The following TGFBR3 variants were observed in gnomAD, a reference collection of about 807,000 sequenced individuals.
TGFBR3 encodes the protein transforming growth factor beta receptor 3, also known as transforming growth factor beta receptor type 3.
Under a neutral mutation model 87.9 loss-of-function variants are expected in TGFBR3, and 46 were observed. That is an observed-to-expected ratio of 0.52 (90% CI 0.41 to 0.67). The LOEUF (loss-of-function observed/expected upper bound fraction) is 0.67. Ranked by LOEUF, TGFBR3 falls within the 30% of genes least tolerant of loss-of-function variation. The pLI is 0.00. For missense variants in TGFBR3, 866 were observed against 1,041.9 expected (o/e 0.83, Z 2.32); for synonymous variants, 381 against 391.6 (o/e 0.97, Z 0.32).
At chr1:91,834,316 A>G (rs909514292) in intron 2 of TGFBR3, among the ~76,000 whole-genome samples, 1 of 152,252 alleles carries the variant, frequency 6.6e-6, no homozygotes, top group African/African-American at 2.4e-5. Context: ...TATCAAAAAG[A>G]CAAAAGATAC....
intron 2 of TGFBR3, among the ~76,000 whole-genome samples, chr1:91,846,711 GGTTT>G (rs1223094332): frequency 6.6e-6 from 1 of 151,946 alleles, no homozygotes; most frequent in Non-Finnish European, 1.5e-5. Flanking sequence ...TTGTATACTA[GGTTT>G]TTTTTTACTA....
intron 3 of TGFBR3, among the ~76,000 whole-genome samples, chr1:91,775,147 C>A (rs1426804402): frequency 6.6e-6 from 1 of 152,194 alleles, no homozygotes; most frequent in Non-Finnish European, 1.5e-5. Flanking sequence ...TGGAACTATT[C>A]GCATTTCTCC....
At chr1:91,853,784 C>T (rs552035940) in intron 2 of TGFBR3, among the ~76,000 whole-genome samples, 4 of 152,248 alleles carry the variant, frequency 2.6e-5, no homozygotes, top group Non-Finnish European at 4.4e-5. Flanking sequence ...GAGGCCAAGG[C>T]GGGCAGATCA....
intron 3 of TGFBR3, among the ~76,000 whole-genome samples, chr1:91,774,205 T>C (rs947415457): frequency 6.6e-6 from 1 of 152,186 alleles, no homozygotes; most frequent in Non-Finnish European, 1.5e-5. Flanking sequence ...TGGCACGATC[T>C]CGGCTCACTG....
intron 4 of TGFBR3, among the ~76,000 whole-genome samples, chr1:91,738,806 T>A (rs1310991304): frequency 1.3e-5 from 2 of 152,204 alleles, no homozygotes; most frequent in African/African-American, 4.8e-5. Flanking sequence ...TTCTCCATGC[T>A]GGAGACACAG....
intron 3 of TGFBR3, among the ~76,000 whole-genome samples, chr1:91,775,800 T>A (rs2100946762): frequency 6.6e-6 from 1 of 152,380 alleles, no homozygotes; most frequent in Admixed American, 6.5e-5. Flanking sequence ...GCAGGAGCCC[T>A]GCAGTGCTGA....
At chr1:91,690,289 TAATCCAGGAAG>T (rs1200655077) in intron 16 of TGFBR3, among the ~76,000 whole-genome samples, 1 of 152,132 alleles carries the variant, frequency 6.6e-6, no homozygotes, top group African/African-American at 2.4e-5. Flanking sequence ...CTGCCCTTCC[TAATCCAGGAAG>T]AAGACGGGAA....
chr1:91,842,099 C>CA (rs74461608), intron 2 of TGFBR3, among the ~76,000 whole-genome samples: 215 of 131,562 alleles, frequency 1.6e-3, no homozygotes, highest in South Asian at 6.9e-3. Context: ...AAGACTCTGC[C>CA]AAAAAAAAAA....
At chr1:91,698,497 C>G (rs1004902245) in intron 14 of TGFBR3, among the ~76,000 whole-genome samples, 6 of 149,258 alleles carry the variant, frequency 4.0e-5, no homozygotes, top group Admixed American at 3.4e-4. Flanking sequence ...TAATATTATT[C>G]TGCTTTCAAA....
rs575992888 is a variant in TGFBR3, at chr1:91,700,445, C to T, written c.2288-2315G>A. Among the ~76,000 whole-genome samples the T allele has an allele frequency of 1.2e-4, 18 of 152,210 alleles. 1 individual carries two copies. The highest frequency in any genetic ancestry group is 9.8e-4 in the Admixed American group (15 of 15,286). On this transcript the variant is annotated intron_variant, in intron 14 of 16. Coordinates refer to ENST00000212355, the MANE Select transcript of TGFBR3 (RefSeq NM_003243.5). ...GTAAATTCTCAGGATTAACCATCTC[C>T]GATGGGTGGGTCAACATTCTGGCCA...
intron 4 of TGFBR3, among the ~76,000 whole-genome samples, chr1:91,757,749 CAG>C (rs1421358768): frequency 6.6e-6 from 1 of 152,110 alleles, no homozygotes; most frequent in African/African-American, 2.4e-5. Flanking sequence ...TCTTCAAACA[CAG>C]GGGAAAGAAA....
At chr1:91,782,133 G>A (rs1200523952) in intron 3 of TGFBR3, among the ~76,000 whole-genome samples, 9 of 152,106 alleles carry the variant, frequency 5.9e-5, no homozygotes, top group Admixed American at 2.0e-4. Flanking sequence ...AAGGGCCTGC[G>A]TGAAAGCCCT....
At chr1:91,745,143 T>C (rs912404718) in intron 4 of TGFBR3, among the ~76,000 whole-genome samples, 53 of 152,166 alleles carry the variant, frequency 3.5e-4, no homozygotes, top group African/African-American at 1.1e-3. Flanking sequence ...CACATCCAAC[T>C]GCACACATGT....
chr1:91,708,528 A>C, intron 14 of TGFBR3, 135 bp downstream of exon 14: 1 of 1,406,980 alleles, frequency 7.1e-7, no homozygotes, highest in Non-Finnish European at 9.9e-7. Context: ...CTTCGGGCAA[A>C]AAATGGTCTT....
At chr1:91,714,026 G>GT (rs1019872497) in intron 12 of TGFBR3, among the ~76,000 whole-genome samples, 7 of 149,736 alleles carry the variant, frequency 4.7e-5, no homozygotes, top group African/African-American at 1.7e-4. Flanking sequence ...TGTATATATA[G>GT]TTTATATATA....
intron 4 of TGFBR3, among the ~76,000 whole-genome samples, chr1:91,749,613 C>T (rs1673466125): frequency 6.6e-6 from 1 of 152,144 alleles, no homozygotes; most frequent in African/African-American, 2.4e-5. Flanking sequence ...ATAAACCCAA[C>T]AACCTGTGTC....
intron 3 of TGFBR3, among the ~76,000 whole-genome samples, chr1:91,796,369 G>A (rs781050963): frequency 6.6e-6 from 1 of 152,186 alleles, no homozygotes; most frequent in African/African-American, 2.4e-5. Flanking sequence ...TAGGATTCAT[G>A]GAGTTACTGT....
Position 91,745,431 on chromosome 1 carries a change from A to G in TGFBR3, c.385-10472T>C, listed in dbSNP as rs367843299. ...TCCAGGGGGAAAAGACACACGGTAA[A>G]GGAGAATAGGTATTCCTCAAGAATC... On this transcript the variant is annotated intron_variant, in intron 4 of 16. Coordinates refer to ENST00000212355, the MANE Select transcript of TGFBR3 (RefSeq NM_003243.5). 3.4e-4 allele frequency among the ~76,000 whole-genome samples: 52 copies of G among 152,368 alleles called. 1 individual carries two copies. In the East Asian group the frequency reaches 5.6e-3, roughly 16 times the overall value.
chr1:91,694,519 AACTATC>A (rs1455690246), intron 16 of TGFBR3, among the ~76,000 whole-genome samples: 3 of 152,376 alleles, frequency 2.0e-5, no homozygotes, highest in East Asian at 3.9e-4. Flanking sequence ...TGACACTTTT[AACTATC>A]AGAGGATCAC....
Sources: gnomAD v4.1 joint callset for allele counts (sites outside exome capture counted in the v4.1 genomes callset) on GRCh38, gnomAD v4.1.1 for gene constraint, MANE v1.5 for transcripts, NCBI Gene and HGNC (gene_info 2026-07-23, HGNC 2026-07-21) for gene names.